ADGRG6: variants seen among roughly 807,000 people sequenced by gnomAD.
ADGRG6 encodes adhesion G protein-coupled receptor G6, also known as G-protein coupled receptor 126.
ADGRG6 carries 84 observed loss-of-function variants against 142.4 expected under a neutral mutation model. The ratio of observed to expected loss-of-function variants is 0.59; its 90% CI spans 0.49 to 0.71. The LOEUF is 0.71. Among genes scored for constraint, ADGRG6 ranks in the 30% least tolerant of loss-of-function variants. The pLI, the probability that ADGRG6 is intolerant of heterozygous loss-of-function variation, is 0.00. For synonymous variants in ADGRG6, 521 were observed against 520.5 expected, an observed-to-expected ratio of 1.00 and a Z score of -0.01; for missense variants, 1,367 against 1,466.6, an observed-to-expected ratio of 0.93 and a Z score of 1.11.
chr6:142,302,359 C>T, intron 1 of ADGRG6, 28 bp downstream of exon 1: 2 of 1,611,412 alleles, frequency 1.2e-6, no homozygotes, highest in Non-Finnish European at 1.7e-6. Context: ...GCTTGGAATT[C>T]CTTCACTCTT....
chr6:142,338,087 C>A (rs1779432665), intron 2 of ADGRG6, among the ~76,000 whole-genome samples: 1 of 118,316 alleles, frequency 8.5e-6, no homozygotes. Context: ...GTGGCGCGAT[C>A]TTGGCTCACT....
chr6:142,361,870 G>A (rs1338884761), intron 2 of ADGRG6, among the ~76,000 whole-genome samples: 2 of 151,706 alleles, frequency 1.3e-5, no homozygotes, highest in African/African-American at 4.8e-5. Context: ...AGTTTCCCAC[G>A]AAAATATGTG....
chr6:142,392,682 C>CT (rs1316392066), intron 7 of ADGRG6, among the ~76,000 whole-genome samples: 1 of 151,878 alleles, frequency 6.6e-6, no homozygotes, highest in African/African-American at 2.4e-5. Flanking sequence ...AGCTCAGTTT[C>CT]TTTATATATA....
At position 142,444,024 on chromosome 6, in the gene ADGRG6, A is replaced by C. The variant is rs1255460564; in HGVS notation, c.*509A>C. On this transcript the variant is annotated 3_prime_UTR_variant, in exon 25 of 25. Transcript: ENST00000367609. ...TCTCATTTTCAATGACATTTCAACC[A>C]CAGGCAGAAAAGACTGTTTACTCCT... 1 of 152,204 alleles carries C rather than the reference A, an allele frequency of 6.6e-6. No individual in the cohort carries two copies. The highest frequency in any genetic ancestry group is 1.5e-5 in the Non-Finnish European group (1 of 68,032). 9.4% of individuals were successfully genotyped at this position (152,204 alleles called of 1,614,324 possible).
At chr6:142,321,485 G>A (rs1169644171) in intron 2 of ADGRG6, among the ~76,000 whole-genome samples, 1 of 151,722 alleles carries the variant, frequency 6.6e-6, no homozygotes, top group Non-Finnish European at 1.5e-5. Flanking sequence ...AACAGATTTT[G>A]GTATATTCAT....
rs12212996 is a variant in ADGRG6 at position 142,415,536 on chromosome 6, A to T, written c.2670-260A>T. Among the ~76,000 whole-genome samples, 1,370 of 152,306 alleles carry T rather than the reference A, an allele frequency of 9.0e-3. 9 individuals carry two copies. Among genetic ancestry groups the T allele is most frequent in the Non-Finnish European group, 0.014 (979 of 68,024 alleles). On this transcript the variant is annotated intron_variant, in intron 19 of 24. Transcript: ENST00000367609. Reference sequence around the variant, plus strand: ...TCTAGAATTTTTCCTGGGTTAAAAAAAAATTCAGTTGAAGCCCAACTGGGA... The same window carrying T: ...TCTAGAATTTTTCCTGGGTTAAAAATAAATTCAGTTGAAGCCCAACTGGGA...
In ADGRG6 at chr6:142,382,035, C is replaced by G. The variant is rs764492961; in HGVS notation, c.1138+16C>G. On this transcript the variant is annotated intron_variant, in intron 5 of 24. Coordinates refer to ENST00000367609, the MANE Select transcript of ADGRG6 (RefSeq NM_198569.3). ...CTCTGTCAAGGTAGGGAGCCCACAC[C>G]GTGCTCTGGAATCTCTTTGCTTTCT... 6.6e-7 allele frequency: 1 copy of G among 1,519,424 alleles called. No individual in the cohort carries two copies. Among genetic ancestry groups the G allele is most frequent in the Non-Finnish European group, 9.1e-7 (1 of 1,102,910 alleles). 94.1% of individuals were successfully genotyped at this position (1,519,424 alleles called of 1,614,324 possible). A position where few individuals can be genotyped will look rare whatever the true frequency, so the allele number is the denominator to read the frequency against.
At chr6:142,368,296 C>G (rs1255576050) in intron 3 of ADGRG6, among the ~76,000 whole-genome samples, 1 of 152,094 alleles carries the variant, frequency 6.6e-6, no homozygotes, top group African/African-American at 2.4e-5. Context: ...TTTTAAGGAA[C>G]TATGGTAGGG....
chr6:142,331,475 G>A (rs986600991), intron 2 of ADGRG6, among the ~76,000 whole-genome samples: 14 of 152,060 alleles, frequency 9.2e-5, no homozygotes, highest in African/African-American at 3.4e-4. Flanking sequence ...TCATCATGCT[G>A]TATGACGAAA....
chr6:142,406,014 AGTT>A (rs1323451940), intron 15 of ADGRG6, among the ~76,000 whole-genome samples, 186 bp downstream of exon 15: 1 of 152,084 alleles, frequency 6.6e-6, no homozygotes, highest in Non-Finnish European at 1.5e-5. Flanking sequence ...CTAATTAACA[AGTT>A]GTATGTACTT....
At chr6:142,338,017 G>GTTTTGTTTTTTTTTTTTTTT (rs1779411162) in intron 2 of ADGRG6, among the ~76,000 whole-genome samples, 12 of 35,396 alleles carry the variant, frequency 3.4e-4, no homozygotes, top group Non-Finnish European at 5.2e-4. Flanking sequence ...TTGTATCTTT[G>GTTTTGTTTTTTTTTTTTTTT]TTTTTTTTTT....
chr6:142,421,129 C>A (rs1002232912), intron 22 of ADGRG6, among the ~76,000 whole-genome samples: 1 of 152,160 alleles, frequency 6.6e-6, no homozygotes, highest in African/African-American at 2.4e-5. Flanking sequence ...CTGTAGTTAT[C>A]TGCAGGGGAG....
At chr6:142,400,419 CATCTCTA>C in intron 10 of ADGRG6, 59 bp from the exon 11 acceptor site, 1 of 759,592 alleles carries the variant, frequency 1.3e-6, no homozygotes. Context: ...TTTCATCCTG[CATCTCTA>C]ATCTCTAACT....
intron 6 of ADGRG6, among the ~76,000 whole-genome samples, chr6:142,390,009 G>A (rs1318451161): frequency 6.6e-6 from 1 of 151,756 alleles, no homozygotes; most frequent in Non-Finnish European, 1.5e-5. Flanking sequence ...ACATATGCAA[G>A]TAATAAGAGT....
chr6:142,440,997 G>A (rs760131454), intron 24 of ADGRG6: 76 of 1,041,470 alleles, frequency 7.3e-5, no homozygotes, highest in Non-Finnish European at 3.6e-5. Context: ...TTTTTGCAAG[G>A]TAATAAGAGA....
At chr6:142,427,458 G>A (rs1777000751) in intron 22 of ADGRG6, among the ~76,000 whole-genome samples, 1 of 152,042 alleles carries the variant, frequency 6.6e-6, no homozygotes, top group African/African-American at 2.4e-5. Context: ...CACTATCAAC[G>A]TTTTTATCAA....
intron 22 of ADGRG6, among the ~76,000 whole-genome samples, chr6:142,422,944 T>C (rs1446264382): frequency 6.6e-6 from 1 of 151,542 alleles, no homozygotes; most frequent in Non-Finnish European, 1.5e-5. Context: ...CATGTGTTCT[T>C]TGGCTGCATA....
rs375861051 is a variant in ADGRG6, at chr6:142,370,306, T to A, written c.582T>A (p.His194Gln). Residue 194 changes from histidine to glutamine, a missense_variant, in exon 4 of 25, where the codon CAT (histidine) becomes CAA (glutamine). His to Gln is a conservative substitution (Grantham distance 24, BLOSUM62 0). Around this residue, in one of 3 missense-constraint regions of ADGRG6, gnomAD observed 737 missense variants for 746.5 expected, o/e 0.99. Transcript: ENST00000367609. ...GCTTTGAAGCAACCAAAGTTGGCCA[T>A]GAAGACAGTGATTGGACAGCTTTCT... The part of the protein sequence containing the change: ...TLCFEATKVG[H>Q]EDSDWTAFSY... The A allele has an allele frequency of 1.7e-3, 2,678 of 1,613,850 alleles. 61 individuals carry two copies. In the South Asian group the frequency reaches 0.027, roughly 16 times the overall value.
At position 142,438,375 on chromosome 6, in the gene ADGRG6, A is replaced by G. The variant is rs1639874274; in HGVS notation, c.3574+11A>G. 2 of 1,569,860 alleles carry G rather than the reference A, an allele frequency of 1.3e-6. No homozygotes were observed. On this transcript the variant is annotated intron_variant, in intron 24 of 24. Coordinates refer to ENST00000367609, the MANE Select transcript of ADGRG6 (RefSeq NM_198569.3). The stretch of plus-strand genomic sequence containing the variant: ...GGAATAGCCACACAGGTGAGTCTAA[A>G]GATGTCCTCAAGTTTAGTTCTCATC...
Sources: gnomAD v4.1 joint callset for allele counts (sites outside exome capture counted in the v4.1 genomes callset) on GRCh38, gnomAD v4.1.1 for gene constraint, gnomAD v4.1.1 regional missense constraint, MANE v1.5 for transcripts, NCBI Gene and HGNC (gene_info 2026-07-23, HGNC 2026-07-21) for gene names.